Variants in ADAMTSL1 observed in about 807,000 individuals in gnomAD.
ADAMTSL1 encodes ADAMTS like 1, also known as ADAMTS-like protein 1.
A neutral mutation model predicts 201.8 loss-of-function variants in ADAMTSL1; 126 were observed. The observed-to-expected ratio is 0.62, with a 90% CI of 0.54 to 0.72. The LOEUF is 0.72. Ranked by LOEUF, ADAMTSL1 falls within the 30% of genes least tolerant of loss-of-function variation. The probability of loss-of-function intolerance (pLI) is 0.00; values close to 1 mark genes in which losing one functional copy is unlikely to be tolerated. For missense variants in ADAMTSL1, 2,679 were observed against 2,277.8 expected, an observed-to-expected ratio of 1.18 and a Z score of -3.59; for synonymous variants, 1,121 against 903.4, an observed-to-expected ratio of 1.24 and a Z score of -4.32.
chr9:18,253,019 G>T (rs529756876), intron 2 of ADAMTSL1, among the ~76,000 whole-genome samples: 2 of 152,250 alleles, frequency 1.3e-5, no homozygotes, highest in Admixed American at 6.5e-5. Context: ...ATTGATTGTG[G>T]CATGTCCATA....
At chr9:18,169,700 A>G (rs551604344) in intron 2 of ADAMTSL1, among the ~76,000 whole-genome samples, 18 of 152,090 alleles carry the variant, frequency 1.2e-4, no homozygotes, top group African/African-American at 2.4e-4. Flanking sequence ...CATTGAATCT[A>G]TAAATTACCT....
chr9:17,917,301 G>A (rs1248088534), intron 1 of ADAMTSL1, among the ~76,000 whole-genome samples: 2 of 151,976 alleles, frequency 1.3e-5, no homozygotes, highest in Non-Finnish European at 2.9e-5. Flanking sequence ...GGATAGAAGT[G>A]GTATGAACAG....
chr9:18,570,142 T>A (rs1287693350), intron 3 of ADAMTSL1, among the ~76,000 whole-genome samples: 5 of 151,408 alleles, frequency 3.3e-5, no homozygotes, highest in Admixed American at 2.6e-4. Context: ...AAGGATAGCA[T>A]GAGTCCAAGG....
chr9:18,694,560 C>T lies in ADAMTSL1; in HGVS notation c.1574+9760C>T, dbSNP rs7046774. 5.8e-3 allele frequency among the ~76,000 whole-genome samples: 889 copies of T among 152,278 alleles called. 8 individuals are homozygous for T. Among genetic ancestry groups the T allele is most frequent in the African/African-American group, 0.02 (841 of 41,546 alleles). Reference sequence around the variant, plus strand: ...CGTGCAAGTCAGAAACCCAGCAGGGCGGTCATTAAATCTTAAAGCTCCAAA... The same window carrying T: ...CGTGCAAGTCAGAAACCCAGCAGGGTGGTCATTAAATCTTAAAGCTCCAAA... On this transcript the variant is annotated intron_variant, in intron 13 of 28. Transcript: ENST00000380548.
rs1432118694 is a variant in ADAMTSL1 at position 18,251,666 on chromosome 9, G to A, written c.207+87685G>A. Among the ~76,000 whole-genome samples the A allele has an allele frequency of 2.0e-5, 3 of 152,162 alleles. No individual in the cohort carries two copies. In the South Asian group the frequency reaches 6.2e-4, roughly 31 times the overall value. ...AAAGGGTGTGACAAGACCCAAGAAA[G>A]TCCTGGGAAAAGAGTTGTGTGTGAA... On this transcript the variant is annotated intron_variant, in intron 2 of 29. Transcript: ENST00000680146.
chr9:18,207,490 G>T (rs1829700933), intron 2 of ADAMTSL1, among the ~76,000 whole-genome samples: 1 of 152,086 alleles, frequency 6.6e-6, no homozygotes, highest in East Asian at 1.9e-4. Context: ...CAAATAGTTA[G>T]GTACAACTCA....
chr9:18,836,988 T>C (rs10963793), intron 23 of ADAMTSL1, among the ~76,000 whole-genome samples: 17,723 of 152,234 alleles, frequency 0.12, 1,253 homozygotes, highest in Middle Eastern at 0.22. Context: ...AAGTCATTTA[T>C]CAATTCCAGG....
At chr9:18,785,641 G>A (rs1821667539) in intron 19 of ADAMTSL1, among the ~76,000 whole-genome samples, 1 of 152,178 alleles carries the variant, frequency 6.6e-6, no homozygotes, top group African/African-American at 2.4e-5. Flanking sequence ...TTGGAGATGA[G>A]ACTCAGGCAA....
intron 1 of ADAMTSL1, among the ~76,000 whole-genome samples, chr9:18,037,316 A>T (rs571877077): frequency 6.6e-6 from 1 of 152,290 alleles, no homozygotes; most frequent in East Asian, 1.9e-4. Context: ...CAGATAAAAG[A>T]TCACAAAAGC....
At chr9:18,363,317 A>G (rs1019367316) in intron 2 of ADAMTSL1, among the ~76,000 whole-genome samples, 1 of 152,232 alleles carries the variant, frequency 6.6e-6, no homozygotes, top group African/African-American at 2.4e-5. Flanking sequence ...TCTCCTAAGT[A>G]AACAATCATA....
At chr9:18,070,399 A>G (rs1822911726) in intron 1 of ADAMTSL1, among the ~76,000 whole-genome samples, 1 of 152,184 alleles carries the variant, frequency 6.6e-6, no homozygotes, top group Non-Finnish European at 1.5e-5. Context: ...GAGAAGAAAT[A>G]GGGATGATAG....
At chr9:18,185,155 T>G (rs1050004577) in intron 2 of ADAMTSL1, among the ~76,000 whole-genome samples, 5 of 152,062 alleles carry the variant, frequency 3.3e-5, no homozygotes, top group Non-Finnish European at 7.4e-5. Flanking sequence ...TCCTTTCCCT[T>G]GAGTGTGGGC....
rs550516574 is a variant in ADAMTSL1, at chr9:18,877,182, C to T, written c.4250-10649C>T. On this transcript the variant is annotated intron_variant, in intron 23 of 28. Coordinates refer to ENST00000380548, the MANE Select transcript of ADAMTSL1 (RefSeq NM_001040272.6). ...TTTGATTTCTCTAAGCTGGTATTCA[C>T]CTTTCTCTGGTGCCTCCTTGAGTAA... Among the ~76,000 whole-genome samples the T allele has an allele frequency of 4.6e-5, 7 of 152,212 alleles. No individual in the cohort carries two copies. The South Asian group carries it at 1.5e-3, about 32-fold the overall frequency.
chr9:18,641,521 C>T (rs1827436535), intron 7 of ADAMTSL1, among the ~76,000 whole-genome samples: 1 of 151,994 alleles, frequency 6.6e-6, no homozygotes. Flanking sequence ...ACTTCTGGTC[C>T]AGAACGCTTT....
chr9:18,450,285 A>T (rs771670077), intron 2 of ADAMTSL1, among the ~76,000 whole-genome samples: 2 of 152,146 alleles, frequency 1.3e-5, no homozygotes, highest in Non-Finnish European at 2.9e-5. Context: ...TCGTTACATG[A>T]TTGTATACAT....
At chr9:18,234,875 G>A (rs1443365790) in intron 2 of ADAMTSL1, among the ~76,000 whole-genome samples, 1 of 152,086 alleles carries the variant, frequency 6.6e-6, no homozygotes, top group East Asian at 1.9e-4. Flanking sequence ...TTTTCATGGA[G>A]CCAATTTTAA....
At chr9:18,229,879 T>A (rs1830581665) in intron 2 of ADAMTSL1, among the ~76,000 whole-genome samples, 2 of 152,040 alleles carry the variant, frequency 1.3e-5, no homozygotes, top group African/African-American at 4.8e-5. Flanking sequence ...GTATTTTTAG[T>A]AGAGATGGGC....
chr9:18,016,953 C>G (rs1820283228), intron 1 of ADAMTSL1, among the ~76,000 whole-genome samples: 1 of 151,976 alleles, frequency 6.6e-6, no homozygotes, highest in Non-Finnish European at 1.5e-5. Context: ...CATACACTTT[C>G]ATACTAGTTG....
chr9:17,920,457 A>G (rs564267278), intron 1 of ADAMTSL1, among the ~76,000 whole-genome samples: 1 of 152,344 alleles, frequency 6.6e-6, no homozygotes, highest in African/African-American at 2.4e-5. Context: ...TTTTGTGTCC[A>G]GAAAGTTATT....
Sources: allele counts gnomAD v4.1 joint callset (sites outside exome capture counted in the v4.1 genomes callset), GRCh38; gene constraint gnomAD v4.1.1; transcripts MANE v1.5; gene names NCBI Gene and HGNC (gene_info 2026-07-23, HGNC 2026-07-21).